The following FAM53A variants were observed in gnomAD, a reference collection of about 807,000 sequenced individuals.
FAM53A encodes protein FAM53A.
Under a neutral mutation model 26.6 loss-of-function variants are expected in FAM53A, and 28 were observed. The observed-to-expected ratio is 1.05, with a 90% confidence interval of 0.78 to 1.45. FAM53A has a LOEUF of 1.45. FAM53A is among the 40% of genes most tolerant of loss of function. The pLI is 0.00. For missense variants in FAM53A, 650 were observed against 575.8 expected (o/e 1.13, Z -1.32); for synonymous variants, 290 against 253.1 (o/e 1.15, Z -1.38).
chr4:1,606,655 C>T, the FAM53A span, among the ~76,000 whole-genome samples: 17 of 152,196 alleles, frequency 1.1e-4, no homozygotes, highest in East Asian at 3.9e-4. Flanking sequence ...CATGGTGTCC[C>T]GAAGGTGCGC....
intron 1 of FAM53A, among the ~76,000 whole-genome samples, chr4:1,620,553 T>C (rs1292394608): frequency 6.6e-6 from 1 of 150,804 alleles, no homozygotes; most frequent in African/African-American, 2.4e-5. Flanking sequence ...CACCACCACA[T>C]AGGACGCCTG....
intron 4 of FAM53A, among the ~76,000 whole-genome samples, chr4:1,652,689 CCACACACCACACACAGAA>C (rs896290098): frequency 2.1e-5 from 3 of 145,712 alleles, no homozygotes; most frequent in Admixed American, 2.1e-4. Context: ...ATACCACAGA[CCACACACCACACACAGAA>C]CACACACCAC....
chr4:1,639,196 G>A (rs574094745), downstream of FAM53A, among the ~76,000 whole-genome samples: 64 of 152,100 alleles, frequency 4.2e-4, no homozygotes, highest in African/African-American at 1.4e-3. Context: ...CCGGTGCCCT[G>A]GAGGCCACTC....
chr4:1,599,154 T>C, the FAM53A span, among the ~76,000 whole-genome samples: 17 of 137,940 alleles, frequency 1.2e-4, no homozygotes, highest in African/African-American at 2.9e-4. This position sits in a 1 kb window ranked among gnomAD's most constrained non-coding sequence, Gnocchi z 6.1. Flanking sequence ...TCCAGGGTGC[T>C]GGAGCTCAGG....
At chr4:1,649,005 T>G (rs942776443) in intron 4 of FAM53A, among the ~76,000 whole-genome samples, 1 of 151,898 alleles carries the variant, frequency 6.6e-6, no homozygotes, top group Non-Finnish European at 1.5e-5. Context: ...CCCAGACACT[T>G]GGGAAGCTGA....
At position 1,671,672 on chromosome 4, in the gene FAM53A, T is replaced by C. The variant is rs569661087; in HGVS notation, c.-164-2767A>G. ...AGAGCCCTCACAGGATGGGGCTCTA[T>C]GGCTGACAAGCCAGCCTCCCTCCCT... On this transcript the variant is annotated intron_variant, in intron 1 of 4. Transcript: ENST00000308132. 5.3e-4 allele frequency among the ~76,000 whole-genome samples: 81 copies of C among 152,244 alleles called. No homozygotes were observed. The South Asian group carries it at 0.016, about 29-fold the overall frequency.
At chr4:1,619,400 G>A (rs918751328) in intron 1 of FAM53A, among the ~76,000 whole-genome samples, 3 of 152,182 alleles carry the variant, frequency 2.0e-5, no homozygotes, top group African/African-American at 4.8e-5. Context: ...GCGCATGGAG[G>A]GGTATGGCAG....
chr4:1,634,219 C>G (rs754494679), intron 1 of FAM53A, among the ~76,000 whole-genome samples: 2 of 152,150 alleles, frequency 1.3e-5, no homozygotes, highest in Non-Finnish European at 2.9e-5. Context: ...TAAGCTGCTT[C>G]GTGCAAACAG....
chr4:1,579,424 G>T, the FAM53A span, among the ~76,000 whole-genome samples: 1 of 151,580 alleles, frequency 6.6e-6, no homozygotes, highest in Non-Finnish European at 1.5e-5. Flanking sequence ...GGGCGCCTGC[G>T]CCACCCCCCC....
At chr4:1,657,305 C>T (rs2108923470) in intron 3 of FAM53A, 103 bp downstream of exon 3, 1 of 1,074,244 alleles carries the variant, frequency 9.3e-7, no homozygotes. Flanking sequence ...CCTTCCTGGG[C>T]TTCTGCAGAT....
chr4:1,674,814 C>G (rs890703341), intron 1 of FAM53A, among the ~76,000 whole-genome samples: 1 of 152,204 alleles, frequency 6.6e-6, no homozygotes, highest in Non-Finnish European at 1.5e-5. Flanking sequence ...TCTCCCCTTA[C>G]AAGAAACTGA....
At chr4:1,594,733 C>T in the FAM53A span, among the ~76,000 whole-genome samples, 1 of 152,144 alleles carries the variant, frequency 6.6e-6, no homozygotes, top group Admixed American at 6.5e-5. Context: ...GTCCCAGCTA[C>T]TCAGGAGGCT....
At chr4:1,648,840 T>C (rs1712477362) in intron 4 of FAM53A, among the ~76,000 whole-genome samples, 1 of 151,974 alleles carries the variant, frequency 6.6e-6, no homozygotes, top group Admixed American at 6.6e-5. Context: ...AAGCCGGGAG[T>C]GGTGGCTCAC....
chr4:1,681,262 A>T (rs1195888723), intron 1 of FAM53A, among the ~76,000 whole-genome samples: 1 of 150,742 alleles, frequency 6.6e-6, no homozygotes, highest in Admixed American at 6.6e-5. Context: ...ACATCCAGCT[A>T]TTTTTTGTAT....
chr4:1,677,343 G>A (rs1474666837), intron 1 of FAM53A, among the ~76,000 whole-genome samples: 3 of 152,156 alleles, frequency 2.0e-5, no homozygotes, highest in Non-Finnish European at 4.4e-5. Context: ...CCTGGACTCC[G>A]TGTCCCACGC....
At chr4:1,644,386 C>T (rs1207775706) in intron 4 of FAM53A, 2 of 1,528,928 alleles carry the variant, frequency 1.3e-6, no homozygotes, top group Admixed American at 4.0e-5. Flanking sequence ...CTGGACGACA[C>T]AGTCGGTGCA....
intron 1 of FAM53A, among the ~76,000 whole-genome samples, 164 bp from the exon 2 acceptor site, chr4:1,669,069 T>C (rs1714449122): frequency 6.6e-6 from 1 of 152,090 alleles, no homozygotes; most frequent in South Asian, 2.1e-4. Context: ...TTCTGGAAAA[T>C]CTAATCACGG....
intron 4 of FAM53A, among the ~76,000 whole-genome samples, chr4:1,647,249 C>T (rs555470249): frequency 1.4e-4 from 21 of 151,682 alleles, no homozygotes; most frequent in Non-Finnish European, 2.4e-4. Flanking sequence ...GGCAGAGAAT[C>T]GCTTGAACCT....
intron 4 of FAM53A, among the ~76,000 whole-genome samples, chr4:1,652,774 C>A: frequency 6.7e-6 from 1 of 148,432 alleles, no homozygotes; most frequent in Non-Finnish European, 1.5e-5. Flanking sequence ...CTACACACCA[C>A]ACAGCACACA....
Sources: gnomAD v4.1 joint callset for allele counts (sites outside exome capture counted in the v4.1 genomes callset) on GRCh38, gnomAD v4.1.1 for gene constraint, Gnocchi (gnomAD v3.1) non-coding constraint, MANE v1.5 for transcripts, NCBI Gene and HGNC (gene_info 2026-07-23, HGNC 2026-07-21) for gene names.